The following ERC1 variants were observed in gnomAD, a reference collection of about 807,000 sequenced individuals.
ERC1 encodes the protein ELKS/RAB6-interacting/CAST family member 1, also known as RAB6 interacting protein 2.
In ERC1, 56 loss-of-function variants were observed where a neutral mutation model predicts 132.0. The observed-to-expected ratio is 0.42, with a 90% CI of 0.34 to 0.53. The LOEUF is 0.53. Ranked by LOEUF, ERC1 falls within the 20% of genes least tolerant of loss-of-function variation. The probability of loss-of-function intolerance (pLI) is 0.03; values close to 1 mark genes in which losing one functional copy is unlikely to be tolerated. For synonymous variants in ERC1, 478 were observed against 476.1 expected (o/e 1.00, Z -0.05); for missense variants, 1,202 against 1,349.9 (o/e 0.89, Z 1.72).
intron 15 of ERC1, among the ~76,000 whole-genome samples, chr12:1,358,903 A>G (rs749000508): frequency 2.6e-5 from 4 of 152,188 alleles, no homozygotes; most frequent in African/African-American, 4.8e-5. Flanking sequence ...TAGAATTTCC[A>G]TATCCATTTT....
At chr12:1,163,802 A>G (rs530874226) in intron 8 of ERC1, among the ~76,000 whole-genome samples, 5 of 151,996 alleles carry the variant, frequency 3.3e-5, no homozygotes, top group South Asian at 4.2e-4. Flanking sequence ...TGCAACCTCT[A>G]CCTCCTGGGT....
chr12:1,424,848 A>AGATC (rs1357593078), intron 17 of ERC1, among the ~76,000 whole-genome samples: 17 of 109,732 alleles, frequency 1.5e-4, no homozygotes, highest in Middle Eastern at 4.9e-3. Flanking sequence ...GATAGATGAT[A>AGATC]GATAGATAGA....
intron 2 of ERC1, among the ~76,000 whole-genome samples, chr12:1,037,880 T>TA (rs1349699657): frequency 6.6e-6 from 1 of 151,630 alleles, no homozygotes; most frequent in Non-Finnish European, 1.5e-5. Context: ...CTGTCTCTAC[T>TA]AAAAATGCAA....
intron 14 of ERC1, among the ~76,000 whole-genome samples, chr12:1,273,300 G>A (rs2078010650): frequency 6.6e-6 from 1 of 152,094 alleles, no homozygotes; most frequent in Non-Finnish European, 1.5e-5. Context: ...CATTTCCTAT[G>A]TACTGCAAAT....
At chr12:1,340,903 T>C (rs1274570251) in intron 15 of ERC1, among the ~76,000 whole-genome samples, 4 of 152,078 alleles carry the variant, frequency 2.6e-5, no homozygotes, top group Admixed American at 2.6e-4. Context: ...TCCAGCCTAG[T>C]ACTCTCTTTT....
intron 12 of ERC1, among the ~76,000 whole-genome samples, chr12:1,196,492 T>C (rs1422896831): frequency 6.8e-6 from 1 of 146,134 alleles, no homozygotes. Flanking sequence ...AGGTTTCTTA[T>C]GTAGGTTTTT....
chr12:1,382,599 T>C (rs2088813390), intron 16 of ERC1, among the ~76,000 whole-genome samples: 1 of 152,264 alleles, frequency 6.6e-6, no homozygotes, highest in Non-Finnish European at 1.5e-5. Context: ...GGGCTTTATC[T>C]TCCTCACCTA....
chr12:1,020,277 C>T lies in ERC1; in HGVS notation c.-156-7471C>T, dbSNP rs140456708. Reference sequence around the variant, plus strand: ...TTTGAGACCAGCCTGGCCAATATGGCGAAACCCCATCTCTACTAAAAATAC... The same window carrying T: ...TTTGAGACCAGCCTGGCCAATATGGTGAAACCCCATCTCTACTAAAAATAC... On this transcript the variant is annotated intron_variant, in intron 1 of 18. Transcript: ENST00000360905. Among the ~76,000 whole-genome samples the T allele has an allele frequency of 6.0e-4, 92 of 152,160 alleles. 1 individual carries two copies. Among genetic ancestry groups the T allele is most frequent in the Non-Finnish European group, 1.1e-3 (74 of 67,998 alleles).
At chr12:1,211,409 A>G (rs1223042347) in intron 12 of ERC1, among the ~76,000 whole-genome samples, 1 of 152,138 alleles carries the variant, frequency 6.6e-6, no homozygotes, top group East Asian at 1.9e-4. Context: ...CGGCCTCCCA[A>G]AGTGCTGGGA....
intron 3 of ERC1, among the ~76,000 whole-genome samples, chr12:1,091,267 C>T (rs779696412): frequency 6.6e-6 from 1 of 152,094 alleles, no homozygotes; most frequent in Non-Finnish European, 1.5e-5. Context: ...TGCATCAGCA[C>T]TGTTCAGAAA....
chr12:1,082,289 G>A (rs34548540), intron 2 of ERC1, among the ~76,000 whole-genome samples: 28,568 of 151,400 alleles, frequency 0.19, 3,391 homozygotes, highest in Non-Finnish European at 0.25. Context: ...GCCTCCCAAA[G>A]TGCTAGGATT....
At chr12:1,331,554 G>T (rs142890500) in intron 15 of ERC1, among the ~76,000 whole-genome samples, 5 of 152,072 alleles carry the variant, frequency 3.3e-5, no homozygotes. Context: ...TCACAGAGCC[G>T]GTAGATACCT....
At chr12:1,214,795 A>G (rs1404184694) in intron 12 of ERC1, among the ~76,000 whole-genome samples, 1 of 151,976 alleles carries the variant, frequency 6.6e-6, no homozygotes, top group Non-Finnish European at 1.5e-5. Context: ...TATTTTATTT[A>G]CTTCTCACAG....
In ERC1 at chr12:1,062,732, C is replaced by G. The variant is rs183287164; in HGVS notation, c.670-20432C>G. Reference sequence around the variant, plus strand: ...GAATGCCTGTTAGTTCCATTTGGTCCATAGTTCCACTGAAGACCAGTGTTT... The same window carrying G: ...GAATGCCTGTTAGTTCCATTTGGTCGATAGTTCCACTGAAGACCAGTGTTT... On this transcript the variant is annotated intron_variant, in intron 2 of 18. Coordinates refer to ENST00000360905, the MANE Select transcript of ERC1 (RefSeq NM_178040.4). 7.9e-5 allele frequency among the ~76,000 whole-genome samples: 12 copies of G among 152,256 alleles called. No homozygotes were observed. The South Asian group carries it at 2.3e-3, about 29-fold the overall frequency.
At chr12:1,394,825 C>T (rs1314241177) in intron 16 of ERC1, among the ~76,000 whole-genome samples, 10 of 152,176 alleles carry the variant, frequency 6.6e-5, no homozygotes, top group Admixed American at 6.5e-4. Flanking sequence ...TTTACCCAGT[C>T]TCGGGTAGTT....
intron 16 of ERC1, among the ~76,000 whole-genome samples, chr12:1,392,569 A>T (rs1287713642): frequency 1.3e-5 from 2 of 152,204 alleles, no homozygotes; most frequent in African/African-American, 4.8e-5. Flanking sequence ...GTCTAGTATC[A>T]TTACTTTATT....
intron 11 of ERC1, among the ~76,000 whole-genome samples, chr12:1,185,712 G>A (rs1280930113): frequency 6.8e-6 from 1 of 148,108 alleles, no homozygotes; most frequent in African/African-American, 2.5e-5. Context: ...CTCCCTTCCC[G>A]AAATAGGAAC....
intron 13 of ERC1, among the ~76,000 whole-genome samples, chr12:1,246,026 C>T (rs960860167): frequency 5.3e-5 from 8 of 152,122 alleles, no homozygotes; most frequent in African/African-American, 1.7e-4. Context: ...TCACCTTGGC[C>T]TCCCAGGGTG....
intron 12 of ERC1, among the ~76,000 whole-genome samples, chr12:1,223,687 T>TAAATCTTTTATTCATCATTTCAC (rs1171855374): frequency 6.6e-6 from 1 of 152,228 alleles, no homozygotes; most frequent in Non-Finnish European, 1.5e-5. Context: ...TGGAGAGAGT[T>TAAATCTTTTATTCATCATTTCAC]AAATCTTTTA....
Sources: allele counts gnomAD v4.1 joint callset (sites outside exome capture counted in the v4.1 genomes callset), GRCh38; gene constraint gnomAD v4.1.1; transcripts MANE v1.5; gene names NCBI Gene and HGNC (gene_info 2026-07-23, HGNC 2026-07-21).